Variants in PRKN observed in about 807,000 individuals in gnomAD.
PRKN encodes parkin RBR E3 ubiquitin protein ligase.
A neutral mutation model predicts 59.5 loss-of-function variants in PRKN; 56 were observed. The ratio of observed to expected loss-of-function variants is 0.94; its 90% CI spans 0.76 to 1.18. The LOEUF (loss-of-function observed/expected upper bound fraction) is 1.18, where lower values mean the gene tolerates loss of function less well. Among genes scored for constraint, PRKN ranks in the 50% most tolerant of loss-of-function variants. The pLI is 0.00. For synonymous variants in PRKN, 250 were observed against 222.1 expected (o/e 1.13, Z -1.12); for missense variants, 657 against 596.4 (o/e 1.10, Z -1.06).
intron 1 of PRKN, among the ~76,000 whole-genome samples, chr6:162,694,322 T>C (rs1777894097): frequency 6.6e-6 from 1 of 150,504 alleles, no homozygotes; most frequent in Non-Finnish European, 1.5e-5. Context: ...TAACCTCTAT[T>C]GCTTCTCTCA....
At chr6:161,853,341 G>C (rs570681182) in intron 6 of PRKN, among the ~76,000 whole-genome samples, 2 of 152,184 alleles carry the variant, frequency 1.3e-5, no homozygotes, top group African/African-American at 4.8e-5. Context: ...CTTACGGATA[G>C]ATAGCTATGG....
chr6:161,757,525 A>G (rs111652814), intron 7 of PRKN, among the ~76,000 whole-genome samples: 2,987 of 152,154 alleles, frequency 0.02, 68 homozygotes, highest in South Asian at 0.072. Context: ...AAAGTAAGAG[A>G]ATGGCAAATA....
At chr6:161,801,813 C>T (rs915165057) in intron 6 of PRKN, among the ~76,000 whole-genome samples, 22 of 152,066 alleles carry the variant, frequency 1.4e-4, no homozygotes, top group African/African-American at 5.1e-4. Flanking sequence ...CTGGGCACCC[C>T]AGGTTTCGGG....
chr6:162,066,256 C>A (rs985592145), intron 4 of PRKN, among the ~76,000 whole-genome samples: 1 of 152,114 alleles, frequency 6.6e-6, no homozygotes, highest in African/African-American at 2.4e-5. Context: ...CAATTCTTTA[C>A]CAGCTATCTA....
At chr6:161,981,905 T>G (rs1032131284) in intron 5 of PRKN, among the ~76,000 whole-genome samples, 6 of 152,194 alleles carry the variant, frequency 3.9e-5, no homozygotes, top group African/African-American at 1.2e-4. Context: ...CAATAAAGCC[T>G]CTAGATGATG....
intron 4 of PRKN, among the ~76,000 whole-genome samples, chr6:162,149,148 C>T: frequency 6.6e-6 from 1 of 152,180 alleles, no homozygotes; most frequent in Middle Eastern, 3.4e-3. Flanking sequence ...CCTTCAAGGT[C>T]GTATTAGAGA....
chr6:161,639,533 C>T (rs1783659693), intron 7 of PRKN, among the ~76,000 whole-genome samples: 1 of 152,154 alleles, frequency 6.6e-6, no homozygotes, highest in African/African-American at 2.4e-5. Context: ...TAATGCTCAG[C>T]CCTGGTCCTC....
At chr6:162,218,388 T>C (rs931840360) in intron 3 of PRKN, among the ~76,000 whole-genome samples, 2 of 152,040 alleles carry the variant, frequency 1.3e-5, no homozygotes, top group African/African-American at 2.4e-5. Flanking sequence ...AGCCCAGCAC[T>C]GTGTAGTACA....
At chr6:162,153,252 T>G (rs1437749267) in intron 4 of PRKN, among the ~76,000 whole-genome samples, 5 of 152,110 alleles carry the variant, frequency 3.3e-5, no homozygotes, top group Non-Finnish European at 7.4e-5. Flanking sequence ...AGGAACAAAC[T>G]CCAATTACTC....
At chr6:162,671,926 G>C (rs532293330) in intron 1 of PRKN, among the ~76,000 whole-genome samples, 3 of 151,944 alleles carry the variant, frequency 2.0e-5, no homozygotes, top group Admixed American at 6.6e-5. Context: ...GACAGGTGAC[G>C]GAGGCAGACA....
At chr6:162,696,991 T>C (rs951572473) in intron 1 of PRKN, among the ~76,000 whole-genome samples, 3 of 152,342 alleles carry the variant, frequency 2.0e-5, no homozygotes, top group South Asian at 4.1e-4. Context: ...ATATTAACAA[T>C]GCTTCCTTAA....
rs529614595 is a variant in PRKN at position 161,849,987 on chromosome 6, G to A, written c.735-64079C>T. On this transcript the variant is annotated intron_variant, in intron 6 of 11. Transcript: ENST00000366898. ...AAAGCCCAGCCCAGCACAGTCCCAA[G>A]GATAGAGTAAGCAGCCAATATACAT... Among the ~76,000 whole-genome samples the A allele has an allele frequency of 1.2e-4, 19 of 152,118 alleles. No homozygotes were observed. In the East Asian group the frequency reaches 1.4e-3, roughly 11 times the overall value.
intron 6 of PRKN, among the ~76,000 whole-genome samples, chr6:161,824,905 G>A (rs1342933798): frequency 6.6e-6 from 1 of 152,172 alleles, no homozygotes; most frequent in East Asian, 1.9e-4. Flanking sequence ...TTTGTCAATT[G>A]ATCAAATATG....
intron 5 of PRKN, among the ~76,000 whole-genome samples, chr6:162,012,236 T>C (rs1782755953): frequency 6.6e-6 from 1 of 152,098 alleles, no homozygotes. Flanking sequence ...GTTGCAAAAA[T>C]TGTACAAAGA....
intron 7 of PRKN, among the ~76,000 whole-genome samples, chr6:161,626,139 G>A (rs139247746): frequency 4.2e-4 from 64 of 152,186 alleles, no homozygotes; most frequent in African/African-American, 1.2e-3. Flanking sequence ...ATTCCTCGCC[G>A]TGCACACAGT....
intron 9 of PRKN, among the ~76,000 whole-genome samples, chr6:161,434,106 AC>A (rs1184651675): frequency 1.3e-5 from 2 of 152,078 alleles, no homozygotes; most frequent in Admixed American, 6.6e-5. Flanking sequence ...GGACTTAAAC[AC>A]TTGTGAGGAG....
At chr6:161,583,850 T>C (rs1333523052) in intron 7 of PRKN, among the ~76,000 whole-genome samples, 25 of 152,236 alleles carry the variant, frequency 1.6e-4, no homozygotes, top group Admixed American at 1.5e-3. Flanking sequence ...CAAACCCTAA[T>C]GATCATATTG....
At chr6:162,671,226 C>T (rs546613969) in intron 1 of PRKN, among the ~76,000 whole-genome samples, 30 of 152,216 alleles carry the variant, frequency 2.0e-4, no homozygotes, top group African/African-American at 7.0e-4. Flanking sequence ...TCAGGCCAGG[C>T]GTGGTGGCTC....
intron 5 of PRKN, among the ~76,000 whole-genome samples, chr6:162,008,581 A>C (rs1437356695): frequency 6.6e-6 from 1 of 152,140 alleles, no homozygotes; most frequent in African/African-American, 2.4e-5. Flanking sequence ...AATGAACCCC[A>C]GGAGAATCTG....
Sources: gnomAD v4.1 joint callset for allele counts (sites outside exome capture counted in the v4.1 genomes callset) on GRCh38, gnomAD v4.1.1 for gene constraint, MANE v1.5 for transcripts, NCBI Gene and HGNC (gene_info 2026-07-23, HGNC 2026-07-21) for gene names.